The following TASP1 variants were observed in gnomAD, a reference collection of about 807,000 sequenced individuals.
TASP1 encodes taspase 1.
Under a neutral mutation model 56.6 loss-of-function variants are expected in TASP1, and 16 were observed. The observed-to-expected ratio is 0.28, with a 90% CI of 0.19 to 0.43. TASP1 has a LOEUF of 0.43. Among genes scored for constraint, TASP1 ranks in the 20% least tolerant of loss-of-function variants. The probability of loss-of-function intolerance (pLI) is 1.00; values close to 1 mark genes in which losing one functional copy is unlikely to be tolerated. For synonymous variants in TASP1, 179 were observed against 184.2 expected (o/e 0.97, Z 0.23); for missense variants, 393 against 511.6 (o/e 0.77, Z 2.24).
chr20:13,519,944 G>C (rs1210177955), intron 10 of TASP1, among the ~76,000 whole-genome samples: 1 of 152,154 alleles, frequency 6.6e-6, no homozygotes, highest in Non-Finnish European at 1.5e-5. Context: ...CAAAATCAAT[G>C]TGCAAAAATC....
the TASP1 span, among the ~76,000 whole-genome samples, chr20:13,357,816 T>G: frequency 6.6e-6 from 1 of 152,198 alleles, no homozygotes; most frequent in Non-Finnish European, 1.5e-5. Context: ...AATGATCTAC[T>G]ACTACATGCA....
At chr20:13,296,918 T>A in the TASP1 span, among the ~76,000 whole-genome samples, 2 of 152,086 alleles carry the variant, frequency 1.3e-5, no homozygotes, top group Non-Finnish European at 2.9e-5. Context: ...CTCGGGAGAC[T>A]GAGGCAGGAG....
At chr20:13,262,818 C>A in the TASP1 span, among the ~76,000 whole-genome samples, 1 of 152,302 alleles carries the variant, frequency 6.6e-6, no homozygotes, top group South Asian at 2.1e-4. Flanking sequence ...AAGCCAGCTC[C>A]CTACCCAAAT....
chr20:13,219,628 T>C, the TASP1 span, among the ~76,000 whole-genome samples: 2 of 152,130 alleles, frequency 1.3e-5, no homozygotes, highest in African/African-American at 2.4e-5. Context: ...GGAAAAAATA[T>C]AGCAGACTCT....
the TASP1 span, among the ~76,000 whole-genome samples, chr20:13,286,758 G>T: frequency 6.6e-6 from 1 of 152,328 alleles, no homozygotes; most frequent in African/African-American, 2.4e-5. Flanking sequence ...GTAAACAACA[G>T]CCTGGAAGGC....
the TASP1 span, among the ~76,000 whole-genome samples, chr20:13,255,634 C>T: frequency 6.6e-6 from 1 of 152,174 alleles, no homozygotes; most frequent in Non-Finnish European, 1.5e-5. Flanking sequence ...AGAAGTGCGA[C>T]ACTAGGGCAT....
chr20:13,341,082 T>A, the TASP1 span, among the ~76,000 whole-genome samples: 1 of 152,180 alleles, frequency 6.6e-6, no homozygotes, highest in Non-Finnish European at 1.5e-5. Flanking sequence ...GAGCTGTCAG[T>A]TCTAAAGTCA....
chr20:13,393,705 A>G, intron 13 of TASP1: 1 of 1,105,484 alleles, frequency 9.0e-7, no homozygotes, highest in Non-Finnish European at 1.3e-6. Flanking sequence ...CAGCGACAGC[A>G]TGAAAGGAAG....
At chr20:13,573,212 T>G (rs563961311) in intron 6 of TASP1, among the ~76,000 whole-genome samples, 20 of 152,238 alleles carry the variant, frequency 1.3e-4, no homozygotes, top group Non-Finnish European at 2.1e-4. Context: ...ATTGAAATGT[T>G]CTAACATATA....
chr20:13,625,136 CT>C, intron 3 of TASP1, 48 bp downstream of exon 3: 1 of 1,351,578 alleles, frequency 7.4e-7, no homozygotes, highest in Non-Finnish European at 1.0e-6. Flanking sequence ...GGTAAAACTG[CT>C]TTCTGTTCAA....
chr20:13,299,848 C>G, the TASP1 span: 1 of 170,544 alleles, frequency 5.9e-6, no homozygotes, highest in African/African-American at 2.4e-5. This position sits in a 1 kb window ranked among gnomAD's most constrained non-coding sequence, Gnocchi z 5.8. Flanking sequence ...TTATATATAA[C>G]TTATTTAATA....
the TASP1 span, among the ~76,000 whole-genome samples, chr20:13,370,805 C>A: frequency 6.6e-6 from 1 of 152,138 alleles, no homozygotes; most frequent in African/African-American, 2.4e-5. Flanking sequence ...ACTAGGCTTT[C>A]TTCCTGGGAG....
chr20:13,258,440 A>T, the TASP1 span, among the ~76,000 whole-genome samples: 1 of 152,128 alleles, frequency 6.6e-6, no homozygotes, highest in African/African-American at 2.4e-5. Flanking sequence ...TTGTCCAGAT[A>T]TGTTAAATTG....
chr20:13,232,806 ATT>A, the TASP1 span, among the ~76,000 whole-genome samples: 1 of 152,294 alleles, frequency 6.6e-6, no homozygotes, highest in South Asian at 2.1e-4. Context: ...CCAGGATGAT[ATT>A]TTTCTTGGTT....
intron 13 of TASP1, among the ~76,000 whole-genome samples, chr20:13,397,956 A>G (rs2041603266): frequency 6.6e-6 from 1 of 152,140 alleles, no homozygotes; most frequent in Non-Finnish European, 1.5e-5. Flanking sequence ...CTTCATAGGG[A>G]ACCTGGCCTC....
the TASP1 span, among the ~76,000 whole-genome samples, chr20:13,357,651 T>C: frequency 6.6e-6 from 1 of 152,186 alleles, no homozygotes; most frequent in Admixed American, 6.5e-5. Context: ...TCCTAGGTAT[T>C]TACCCAAGAG....
At chr20:13,558,073 C>T (rs1478893718) in intron 8 of TASP1, among the ~76,000 whole-genome samples, 1 of 152,082 alleles carries the variant, frequency 6.6e-6, no homozygotes, top group Non-Finnish European at 1.5e-5. Flanking sequence ...CGTGGCAACA[C>T]ACCAAGAAAA....
intron 4 of TASP1, among the ~76,000 whole-genome samples, chr20:13,598,056 G>A (rs1488807056): frequency 6.6e-6 from 1 of 152,116 alleles, no homozygotes; most frequent in Non-Finnish European, 1.5e-5. Context: ...TGGAAGAACA[G>A]TCCATGCTCA....
intron 7 of TASP1, among the ~76,000 whole-genome samples, chr20:13,567,091 C>T (rs1330692194): frequency 2.0e-5 from 3 of 152,062 alleles, no homozygotes; most frequent in Non-Finnish European, 4.4e-5. Context: ...GAATACTATG[C>T]AGCCATAAAA....
Sources: gnomAD v4.1 joint callset for allele counts (sites outside exome capture counted in the v4.1 genomes callset) on GRCh38, gnomAD v4.1.1 for gene constraint, Gnocchi (gnomAD v3.1) non-coding constraint, MANE v1.5 for transcripts, NCBI Gene and HGNC (gene_info 2026-07-23, HGNC 2026-07-21) for gene names.